The following TBL1X variants were observed in gnomAD, a reference collection of about 807,000 sequenced individuals.
TBL1X encodes F-box-like/WD repeat-containing protein TBL1X.
A neutral mutation model predicts 50.7 loss-of-function variants in TBL1X; 10 were observed. That is an observed-to-expected ratio of 0.20 (90% CI 0.12 to 0.33). TBL1X has a LOEUF of 0.33. Among genes scored for constraint, TBL1X ranks in the 10% least tolerant of loss-of-function variants. TBL1X has a pLI of 1.00. For synonymous variants in TBL1X, 190 were observed against 214.7 expected (o/e 0.88, Z 1.01); for missense variants, 340 against 504.4 (o/e 0.67, Z 3.12).
At chrX:9,663,513 C>T (rs1467004571) in intron 5 of TBL1X, among the ~76,000 whole-genome samples, 1 of 111,594 alleles carries the variant, frequency 9.0e-6, no homozygotes, top group Non-Finnish European at 1.9e-5. Flanking sequence ...AATCCCGGCA[C>T]TTTAGGAAGC....
chrX:9,467,061 AAC>A (rs1289990739), intron 1 of TBL1X, among the ~76,000 whole-genome samples: 3 of 112,473 alleles, frequency 2.7e-5, no homozygotes, highest in Admixed American at 1.9e-4. Context: ...TTAAAGAGGA[AAC>A]AGTTTGCAAA....
At chrX:9,527,309 C>T (rs146206271) in intron 2 of TBL1X, among the ~76,000 whole-genome samples, 2 of 111,657 alleles carry the variant, frequency 1.8e-5, no homozygotes, top group Admixed American at 9.4e-5. Flanking sequence ...ACAAGATGCC[C>T]GTTTGCCCTA....
chrX:9,495,389 C>T (rs749634581), intron 1 of TBL1X, among the ~76,000 whole-genome samples: 15 of 110,380 alleles, frequency 1.4e-4, no homozygotes, highest in African/African-American at 5.0e-4. Context: ...AGATGGGTTT[C>T]GGTTTCTTTT....
chrX:9,516,548 T>G (rs147809470), intron 2 of TBL1X, among the ~76,000 whole-genome samples: 2,370 of 112,291 alleles, frequency 0.021, 28 homozygotes, highest in Non-Finnish European at 0.032. Context: ...ACTTGATACC[T>G]CAAGTCCTCT....
chrX:9,652,229 A>G (rs1001517957), intron 3 of TBL1X, among the ~76,000 whole-genome samples: 10 of 111,861 alleles, frequency 8.9e-5, no homozygotes, highest in South Asian at 7.4e-4. Context: ...AATGTGGTCA[A>G]CCTTGCCATG....
intron 7 of TBL1X, among the ~76,000 whole-genome samples, chrX:9,688,720 G>A (rs752875657): frequency 4.9e-4 from 55 of 112,790 alleles, no homozygotes; most frequent in Non-Finnish European, 1.0e-3. Flanking sequence ...CAAAACCCCA[G>A]GACATCAGTC....
chrX:9,691,902 C>T (rs745894165), intron 8 of TBL1X, among the ~76,000 whole-genome samples, 191 bp downstream of exon 8: 2 of 112,069 alleles, frequency 1.8e-5, no homozygotes, highest in Admixed American at 1.9e-4. Context: ...AGCCATAGTT[C>T]CAAGTCGTTT....
intron 2 of TBL1X, among the ~76,000 whole-genome samples, chrX:9,634,773 G>T (rs1056412852): frequency 8.9e-6 from 1 of 111,776 alleles, no homozygotes; most frequent in African/African-American, 3.3e-5. Flanking sequence ...ACTCTGAAGA[G>T]CATGCCTTGG....
chrX:9,484,706 A>G (rs2081901777), intron 1 of TBL1X, among the ~76,000 whole-genome samples: 1 of 109,878 alleles, frequency 9.1e-6, no homozygotes, highest in Non-Finnish European at 1.9e-5. Context: ...ACAATTATGA[A>G]TAATGCTGCT....
chrX:9,532,226 C>T (rs1162038867), intron 2 of TBL1X, among the ~76,000 whole-genome samples: 3 of 111,689 alleles, frequency 2.7e-5, no homozygotes, highest in East Asian at 2.8e-4. Flanking sequence ...CCCCAGGAAG[C>T]GAAGGCTGCA....
intron 1 of TBL1X, among the ~76,000 whole-genome samples, chrX:9,470,469 T>G (rs927698372): frequency 8.9e-6 from 1 of 112,378 alleles, no homozygotes; most frequent in African/African-American, 3.2e-5. Context: ...TTGGTCAAGC[T>G]GGTCTCAAAC....
intron 2 of TBL1X, among the ~76,000 whole-genome samples, chrX:9,633,479 A>G (rs932126294): frequency 8.9e-6 from 1 of 112,323 alleles, no homozygotes; most frequent in African/African-American, 3.2e-5. Context: ...ACCCATTTTC[A>G]TAGTTTGGTG....
chrX:9,496,314 C>T (rs921149723), intron 1 of TBL1X, among the ~76,000 whole-genome samples: 1 of 112,342 alleles, frequency 8.9e-6, no homozygotes, highest in African/African-American at 3.2e-5. Flanking sequence ...GCAAAGAGTG[C>T]CCCTTGCTTA....
At chrX:9,670,941 A>G (rs1234595295) in intron 5 of TBL1X, among the ~76,000 whole-genome samples, 1 of 112,602 alleles carries the variant, frequency 8.9e-6, no homozygotes, top group African/African-American at 3.2e-5. Context: ...AAAGGAAAAC[A>G]TTAGTTTCAT....
At chrX:9,664,877 T>C (rs768675282) in intron 5 of TBL1X, among the ~76,000 whole-genome samples, 7 of 111,383 alleles carry the variant, frequency 6.3e-5, no homozygotes, top group African/African-American at 1.6e-4. Context: ...TATAGGATGT[T>C]CAGCAGCATC....
At chrX:9,489,140 T>C (rs887429728) in intron 1 of TBL1X, among the ~76,000 whole-genome samples, 1 of 110,692 alleles carries the variant, frequency 9.0e-6, no homozygotes, top group African/African-American at 3.3e-5. Flanking sequence ...CAGAGCTACT[T>C]TTCTGGACTT....
chrX:9,513,693 G>A (rs765365516), intron 2 of TBL1X, among the ~76,000 whole-genome samples: 3 of 111,114 alleles, frequency 2.7e-5, no homozygotes, highest in African/African-American at 9.8e-5. Context: ...GGGAGGGAGT[G>A]TTACTGGCAT....
chrX:9,665,626 C>G (rs1471027727), intron 5 of TBL1X, among the ~76,000 whole-genome samples: 1 of 95,650 alleles, frequency 1.0e-5, no homozygotes, highest in Non-Finnish European at 2.1e-5. Flanking sequence ...AATTATTTCC[C>G]CAGTCTGTTT....
intron 2 of TBL1X, among the ~76,000 whole-genome samples, chrX:9,524,222 C>T (rs1337560842): frequency 2.7e-5 from 3 of 111,952 alleles, no homozygotes; most frequent in Non-Finnish European, 5.6e-5. Context: ...CCCACCTTGG[C>T]CTCCCGAAGT....
Sources: gnomAD v4.1 joint callset for allele counts (sites outside exome capture counted in the v4.1 genomes callset) on GRCh38, gnomAD v4.1.1 for gene constraint, MANE v1.5 for transcripts, NCBI Gene and HGNC (gene_info 2026-07-23, HGNC 2026-07-21) for gene names.